Variants in FSIP1 observed in about 807,000 individuals in gnomAD.
The protein encoded by FSIP1 is fibrous sheath interacting protein 1, also known as fibrous sheath-interacting protein 1.
FSIP1 carries 65 observed loss-of-function variants against 60.9 expected under a neutral mutation model. The observed-to-expected ratio is 1.07, with a 90% CI of 0.87 to 1.31. The LOEUF (loss-of-function observed/expected upper bound fraction) is 1.31. Among genes scored for constraint, FSIP1 ranks in the 40% most tolerant of loss-of-function variants. The pLI is 0.00. For missense variants in FSIP1, 675 were observed against 665.5 expected, an observed-to-expected ratio of 1.01 and a Z score of -0.16; for synonymous variants, 209 against 221.2, an observed-to-expected ratio of 0.94 and a Z score of 0.49.
rs370452840 is a variant in FSIP1, at chr15:39,730,164, T to G, written c.892-3417A>C. Among the ~76,000 whole-genome samples the G allele has an allele frequency of 8.6e-5, 13 of 151,950 alleles. No individual in the cohort carries two copies. In the East Asian group the frequency reaches 1.7e-3, roughly 20 times the overall value. The stretch of plus-strand genomic sequence containing the variant: ...AGTAGGTTATGGTGGTCACATTATC[T>G]AAACTAGGGATTCTATAGATGAAGT... On this transcript the variant is annotated intron_variant, in intron 8 of 11. Coordinates refer to ENST00000350221, the MANE Select transcript of FSIP1 (RefSeq NM_152597.5).
intron 2 of FSIP1, among the ~76,000 whole-genome samples, chr15:39,774,629 A>G (rs1441111721): frequency 6.6e-6 from 1 of 152,238 alleles, no homozygotes; most frequent in African/African-American, 2.4e-5. Flanking sequence ...GCAGGACTAG[A>G]TGAAACAAAA....
At position 39,741,776 on chromosome 15, in the gene FSIP1, T is replaced by C. The variant is rs370495874; in HGVS notation, c.655+29A>G. On this transcript the variant is annotated intron_variant, in intron 6 of 11. Coordinates refer to ENST00000350221, the MANE Select transcript of FSIP1 (RefSeq NM_152597.5). ...TACAGCCAGTATTCCCTTGTGAAAATGTGTATAATCACACAAATTTAAATA... is the reference window on the plus strand; with the variant it reads ...TACAGCCAGTATTCCCTTGTGAAAACGTGTATAATCACACAAATTTAAATA... 1,884 of 1,092,510 alleles carry C rather than the reference T, an allele frequency of 1.7e-3. 7 individuals are homozygous for C. Among genetic ancestry groups the C allele is most frequent in the Non-Finnish European group, 2.2e-3 (1,595 of 711,780 alleles). 67.7% of individuals were successfully genotyped at this position (1,092,510 alleles called of 1,614,324 possible).
chr15:39,703,398 C>T (rs577161538), intron 10 of FSIP1, among the ~76,000 whole-genome samples: 1 of 152,270 alleles, frequency 6.6e-6, no homozygotes, highest in East Asian at 1.9e-4. Flanking sequence ...ATGTGAAAAA[C>T]CATAATCCAG....
At chr15:39,601,958 T>G (rs1053897042) in intron 11 of FSIP1, among the ~76,000 whole-genome samples, 2 of 152,050 alleles carry the variant, frequency 1.3e-5, no homozygotes, top group Non-Finnish European at 2.9e-5. Flanking sequence ...AATAAAAAAT[T>G]GATAGTGGTG....
chr15:39,636,025 T>C (rs1422929548), intron 10 of FSIP1, among the ~76,000 whole-genome samples: 19 of 152,062 alleles, frequency 1.2e-4, no homozygotes, highest in Non-Finnish European at 1.5e-4. Flanking sequence ...AGGAAAACAA[T>C]TGGAATACAG....
At chr15:39,722,869 G>A (rs1896037706) in intron 9 of FSIP1, among the ~76,000 whole-genome samples, 3 of 152,024 alleles carry the variant, frequency 2.0e-5, no homozygotes, top group Admixed American at 2.0e-4. Context: ...GGTAAAGGCT[G>A]CAGCAAGCCA....
At position 39,745,251 on chromosome 15, in the gene FSIP1, G is replaced by A. The variant is rs565960658; in HGVS notation, c.560-3351C>T. 9.2e-5 allele frequency among the ~76,000 whole-genome samples: 14 copies of A among 152,204 alleles called. No homozygotes were observed. The South Asian group carries it at 2.5e-3, about 27-fold the overall frequency. The stretch of plus-strand genomic sequence containing the variant: ...CATACAATTTTTAGATGCCCTACAC[G>A]AGTATAGTAAATCCTCTCTTAATGT... On this transcript the variant is annotated intron_variant, in intron 5 of 11. Coordinates refer to ENST00000350221, the MANE Select transcript of FSIP1 (RefSeq NM_152597.5).
At position 39,760,233 on chromosome 15, in the gene FSIP1, A is replaced by G. The variant is rs555920468; in HGVS notation, c.559+3588T>C. 2.6e-4 allele frequency among the ~76,000 whole-genome samples: 40 copies of G among 152,324 alleles called. No individual in the cohort carries two copies. In the East Asian group the frequency reaches 7.5e-3, roughly 29 times the overall value. The stretch of plus-strand genomic sequence containing the variant: ...ATTGTTGGATTACAAAATCACCCAA[A>G]TCTAGTGGCATATGGTAAAAATTAT... On this transcript the variant is annotated intron_variant, in intron 5 of 11. Transcript: ENST00000350221.
intron 11 of FSIP1, among the ~76,000 whole-genome samples, chr15:39,615,913 A>G (rs1891212593): frequency 6.6e-6 from 1 of 152,118 alleles, no homozygotes; most frequent in African/African-American, 2.4e-5. Context: ...CATTAATCAC[A>G]TATTGTATGT....
At chr15:39,681,035 A>T (rs1277898849) in intron 10 of FSIP1, among the ~76,000 whole-genome samples, 1 of 152,150 alleles carries the variant, frequency 6.6e-6, no homozygotes, top group Non-Finnish European at 1.5e-5. Context: ...CCTGGGATGG[A>T]GACCAGCCAC....
chr15:39,689,241 C>A (rs1212701187), intron 10 of FSIP1, among the ~76,000 whole-genome samples: 1 of 152,164 alleles, frequency 6.6e-6, no homozygotes. Context: ...CCTCTCTGTG[C>A]ACCCCACCCT....
At chr15:39,655,862 G>C (rs1202230324) in intron 10 of FSIP1, among the ~76,000 whole-genome samples, 1 of 152,096 alleles carries the variant, frequency 6.6e-6, no homozygotes, top group Non-Finnish European at 1.5e-5. Context: ...CAAGAACAAG[G>C]ATCACTCACC....
chr15:39,714,656 C>A (rs1895664112), intron 9 of FSIP1, among the ~76,000 whole-genome samples: 1 of 151,456 alleles, frequency 6.6e-6, no homozygotes, highest in Non-Finnish European at 1.5e-5. Flanking sequence ...CAGCCTCTAC[C>A]CAGGAGGTTC....
intron 10 of FSIP1, among the ~76,000 whole-genome samples, chr15:39,639,465 G>T (rs1018765723): frequency 6.6e-6 from 1 of 152,176 alleles, no homozygotes; most frequent in Non-Finnish European, 1.5e-5. Context: ...CAGTAACAAC[G>T]AAAATGGATT....
intron 10 of FSIP1, among the ~76,000 whole-genome samples, chr15:39,646,479 T>G (rs1376488110): frequency 2.4e-5 from 3 of 124,874 alleles, no homozygotes; most frequent in Non-Finnish European, 4.7e-5. Flanking sequence ...AGGCCAGGAG[T>G]TCGAGACAGG....
At chr15:39,610,093 A>C in intron 11 of FSIP1, among the ~76,000 whole-genome samples, 1 of 152,198 alleles carries the variant, frequency 6.6e-6, no homozygotes, top group Non-Finnish European at 1.5e-5. Context: ...AACAAAAAGA[A>C]ACTAATAAAG....
At chr15:39,710,611 T>A (rs1311400589) in intron 10 of FSIP1, among the ~76,000 whole-genome samples, 1 of 152,172 alleles carries the variant, frequency 6.6e-6, no homozygotes, top group African/African-American at 2.4e-5. Flanking sequence ...ATAACAAGTT[T>A]ATCACACTTT....
At chr15:39,699,610 G>A (rs571198176) in intron 10 of FSIP1, among the ~76,000 whole-genome samples, 1 of 152,262 alleles carries the variant, frequency 6.6e-6, no homozygotes, top group African/African-American at 2.4e-5. Flanking sequence ...GTCACAGCCT[G>A]CTATTCAACA....
chr15:39,726,710 T>C lies in FSIP1; in HGVS notation c.929A>G (p.Tyr310Cys), dbSNP rs935124877. Reference sequence around the variant, plus strand: ...CTGATGCTGGGTGACTGCAAGTTCATATCCTTTTACTGGGACCACCCAGCC... The same window carrying C: ...CTGATGCTGGGTGACTGCAAGTTCACATCCTTTTACTGGGACCACCCAGCC... ...QSGWVVPVKGYELAVTQHQQL... is the reference protein window; with the variant it reads ...QSGWVVPVKGCELAVTQHQQL... Residue 310 changes from tyrosine (Y) to cysteine (C), a missense_variant, in exon 9 of 12, where the codon TAT (tyrosine) becomes TGT (cysteine). By Grantham distance (194) the Tyr-to-Cys change is radical. Transcript: ENST00000350221. 1 of 1,614,026 alleles carries C rather than the reference T, an allele frequency of 6.2e-7. No homozygotes were observed. Among genetic ancestry groups the C allele is most frequent in the African/African-American group, 1.3e-5 (1 of 74,934 alleles).
Sources: gnomAD v4.1 joint callset for allele counts (sites outside exome capture counted in the v4.1 genomes callset) on GRCh38, gnomAD v4.1.1 for gene constraint, MANE v1.5 for transcripts, NCBI Gene and HGNC (gene_info 2026-07-23, HGNC 2026-07-21) for gene names.